Variants in DYRK4 observed in about 807,000 individuals in gnomAD.
DYRK4 encodes the protein dual specificity tyrosine-phosphorylation-regulated kinase 4.
A neutral mutation model predicts 68.3 loss-of-function variants in DYRK4; 64 were observed. The ratio of observed to expected loss-of-function variants is 0.94; its 90% CI spans 0.77 to 1.15. The LOEUF (loss-of-function observed/expected upper bound fraction) is 1.15, where lower values mean the gene tolerates loss of function less well. Among genes scored for constraint, DYRK4 ranks in the 50% most tolerant of loss-of-function variants. The probability of loss-of-function intolerance (pLI) is 0.00; values close to 1 mark genes in which losing one functional copy is unlikely to be tolerated. For synonymous variants in DYRK4, 274 were observed against 289.9 expected (o/e 0.95, Z 0.56); for missense variants, 740 against 764.7 (o/e 0.97, Z 0.38).
intron 2 of DYRK4, among the ~76,000 whole-genome samples, chr12:4,572,546 TG>T (rs967429269): frequency 1.3e-5 from 2 of 152,192 alleles, no homozygotes; most frequent in Admixed American, 1.3e-4. Flanking sequence ...CCATCCGCCT[TG>T]GCCTCCCAAA....
chr12:4,596,698 A>C lies in DYRK4; in HGVS notation c.874A>C (p.Asn292His), dbSNP rs756914513. The change falls in exon 8 of 15, where the codon AAT becomes CAT. Residue 292 changes from asparagine (N) to histidine (H), a missense_variant. Asn to His is a moderately conservative substitution (Grantham distance 68). Transcript: ENST00000543431. ...TATGAAGGACTTTTTCTACTTTCGC[A>C]ATCACTTCTGCATCACCTTTGAGCT... ...VHMKDFFYFR[N>H]HFCITFELLG... is the part of the protein sequence containing the mutation. The C allele has an allele frequency of 3.1e-6, 5 of 1,614,204 alleles. No homozygotes were observed. In the Admixed American group the frequency reaches 8.3e-5, roughly 27 times the overall value.
At chr12:4,570,785 A>G (rs1263077275) in intron 2 of DYRK4, among the ~76,000 whole-genome samples, 1 of 152,210 alleles carries the variant, frequency 6.6e-6, no homozygotes, top group African/African-American at 2.4e-5. Flanking sequence ...ATTTCAGCCA[A>G]GGGAAAGTTT....
At chr12:4,562,419 G>A in intron 1 of DYRK4, 136 bp downstream of exon 1, 1 of 1,155,682 alleles carries the variant, frequency 8.7e-7, no homozygotes, top group Non-Finnish European at 1.2e-6. Context: ...GGGAATGTGG[G>A]TCAGAGAGAG....
chr12:4,576,169 A>G (rs993359734), intron 2 of DYRK4, among the ~76,000 whole-genome samples: 2 of 152,158 alleles, frequency 1.3e-5, no homozygotes, highest in Non-Finnish European at 2.9e-5. Flanking sequence ...CCCATTGTCC[A>G]TCTATTCATC....
intron 3 of DYRK4, 39 bp from the exon 4 acceptor site, chr12:4,590,291 C>T (rs1944939180): frequency 1.3e-6 from 2 of 1,515,140 alleles, no homozygotes; most frequent in Non-Finnish European, 8.8e-7. Context: ...GTTTTCTTGC[C>T]TAAGGCTTTT....
chr12:4,601,935 A>C, intron 10 of DYRK4: 2 of 283,826 alleles, frequency 7.0e-6, no homozygotes, highest in Non-Finnish European at 6.7e-6. Context: ...TTGAATACCA[A>C]AGTTGCATCT....
chr12:4,572,439 A>G (rs144845686), intron 2 of DYRK4, among the ~76,000 whole-genome samples: 65,471 of 151,642 alleles, frequency 0.43, 14,468 homozygotes, highest in Middle Eastern at 0.49. Context: ...CCGCCACCAC[A>G]CCTGGCTAAT....
At position 4,605,047 on chromosome 12, in the gene DYRK4, C is replaced by T. The variant is rs780972192; in HGVS notation, c.1260C>T (p.Pro420=). The T allele has an allele frequency of 6.2e-7, 1 of 1,613,976 alleles. No homozygotes were observed. The highest frequency in any genetic ancestry group is 1.7e-5 in the Admixed American group (1 of 60,014). The change falls in exon 11 of 15, where the codon CCC becomes CCT. Residue 420 remains proline, a synonymous_variant. Coordinates refer to ENST00000543431, the MANE Select transcript of DYRK4 (RefSeq NM_001394779.1). The part of the protein sequence containing the change: ...AELYTGYPLF[P]GENEVEQLAC... The stretch of plus-strand genomic sequence containing the variant: ...TGTACACGGGCTACCCCCTGTTCCC[C>T]GGGGAGAATGAGGTGGAGCAGCTGG...
chr12:4,581,852 A>G (rs1944845539), intron 2 of DYRK4, among the ~76,000 whole-genome samples: 1 of 152,232 alleles, frequency 6.6e-6, no homozygotes, highest in South Asian at 2.1e-4. Flanking sequence ...TCTTGGGACC[A>G]AAAGTGTTTT....
chr12:4,603,482 T>G, intron 10 of DYRK4: 2 of 278,634 alleles, frequency 7.2e-6, no homozygotes, highest in Non-Finnish European at 1.4e-5. Flanking sequence ...CTCCCTCTGT[T>G]TCCCTCCTGT....
chr12:4,594,534 A>G (rs1944994557), intron 6 of DYRK4, among the ~76,000 whole-genome samples: 1 of 152,162 alleles, frequency 6.6e-6, no homozygotes. Context: ...GGGAATCTCC[A>G]GTATAAATCT....
chr12:4,581,984 C>G (rs1944846924), intron 2 of DYRK4, among the ~76,000 whole-genome samples: 1 of 152,142 alleles, frequency 6.6e-6, no homozygotes, highest in Non-Finnish European at 1.5e-5. Flanking sequence ...TGCATGTGGC[C>G]TGAGGCACCT....
chr12:4,569,027 G>A (rs74060033), intron 2 of DYRK4, among the ~76,000 whole-genome samples: 8,364 of 152,132 alleles, frequency 0.055, 779 homozygotes, highest in African/African-American at 0.19. Flanking sequence ...AGCAAAAATC[G>A]TCCTCCTATA....
At chr12:4,571,619 C>T (rs889961464) in intron 2 of DYRK4, among the ~76,000 whole-genome samples, 6 of 151,856 alleles carry the variant, frequency 4.0e-5, no homozygotes, top group African/African-American at 1.2e-4. Flanking sequence ...TTATTTATAT[C>T]GTATTGTAGT....
chr12:4,580,796 GA>G (rs780797749), intron 2 of DYRK4: 39 of 453,254 alleles, frequency 8.6e-5, no homozygotes, highest in African/African-American at 7.2e-4. Flanking sequence ...GGCACTTAGG[GA>G]TTTTTTTTTT....
chr12:4,605,189 T>C (rs1440747987), intron 11 of DYRK4, 103 bp downstream of exon 11: 6 of 948,638 alleles, frequency 6.3e-6, no homozygotes, highest in Non-Finnish European at 9.2e-6. Flanking sequence ...GCATACCTTG[T>C]TGTTGTTGTT....
chr12:4,583,309 C>T (rs1280208759), intron 2 of DYRK4, among the ~76,000 whole-genome samples: 1 of 151,924 alleles, frequency 6.6e-6, no homozygotes, highest in Non-Finnish European at 1.5e-5. Context: ...TTCTACATCT[C>T]AGCACTTTTG....
intron 12 of DYRK4, chr12:4,609,911 G>T (rs1216060616): frequency 2.9e-5 from 8 of 274,704 alleles, no homozygotes; most frequent in Admixed American, 1.6e-4. Context: ...GCAGTGGGAA[G>T]GAAGTTCAGA....
chr12:4,599,270 CTTTTTTTTT>C, intron 9 of DYRK4, 104 bp downstream of exon 9: 2 of 459,410 alleles, frequency 4.4e-6, no homozygotes, highest in Non-Finnish European at 6.9e-6. Context: ...TTGCCTTTGA[CTTTTTTTTT>C]TTTTTTTTTT....
Sources: gnomAD v4.1 joint callset for allele counts (sites outside exome capture counted in the v4.1 genomes callset) on GRCh38, gnomAD v4.1.1 for gene constraint, MANE v1.5 for transcripts, NCBI Gene and HGNC (gene_info 2026-07-23, HGNC 2026-07-21) for gene names.